The following PPP1R12A variants were observed in gnomAD, a reference collection of about 807,000 sequenced individuals.
PPP1R12A encodes the protein protein phosphatase 1 regulatory subunit 12A.
In PPP1R12A, 19 loss-of-function variants were observed where a neutral mutation model predicts 139.6. That is an observed-to-expected ratio of 0.14 (90% CI 0.09 to 0.20). PPP1R12A has a LOEUF of 0.20. Among genes scored for constraint, PPP1R12A ranks in the 10% least tolerant of loss-of-function variants. The pLI, the probability that PPP1R12A is intolerant of heterozygous loss-of-function variation, is 1.00. For missense variants in PPP1R12A, 925 were observed against 1,211.5 expected (o/e 0.76, Z 3.51); for synonymous variants, 427 against 420.6 (o/e 1.02, Z -0.19).
Position 79,841,234 on chromosome 12 carries a change from A to C in PPP1R12A, c.487+4068T>G, listed in dbSNP as rs78825062. 3.8e-3 allele frequency among the ~76,000 whole-genome samples: 580 copies of C among 151,450 alleles called. 1 individual carries two copies. The highest frequency in any genetic ancestry group is 0.013 in the African/African-American group (547 of 41,268). On this transcript the variant is annotated intron_variant, in intron 3 of 24. Transcript: ENST00000450142. Reference sequence around the variant, plus strand: ...AAGAGCCACTGTGCTTGGCCTTCCAACTCCTTTTCTTTCACATTTTGATAC... The same window carrying C: ...AAGAGCCACTGTGCTTGGCCTTCCACCTCCTTTTCTTTCACATTTTGATAC...
intron 1 of PPP1R12A, among the ~76,000 whole-genome samples, chr12:79,922,285 A>C (rs959994900): frequency 3.3e-5 from 5 of 152,164 alleles, no homozygotes; most frequent in African/African-American, 7.2e-5. Flanking sequence ...AAAAACAATA[A>C]ATAAAACAAA....
intron 22 of PPP1R12A, among the ~76,000 whole-genome samples, chr12:79,785,421 T>A (rs1870987981): frequency 6.6e-6 from 1 of 152,206 alleles, no homozygotes; most frequent in Non-Finnish European, 1.5e-5. Context: ...AATGAACTTT[T>A]TTGGTTTTTG....
intron 1 of PPP1R12A, among the ~76,000 whole-genome samples, chr12:79,921,547 C>T (rs1055722544): frequency 1.3e-5 from 2 of 152,110 alleles, no homozygotes; most frequent in African/African-American, 4.8e-5. Context: ...GGGTTAAGCC[C>T]GCCTAATAAA....
chr12:79,896,357 C>A (rs902404204), intron 1 of PPP1R12A, among the ~76,000 whole-genome samples: 2 of 152,030 alleles, frequency 1.3e-5, no homozygotes, highest in Non-Finnish European at 2.9e-5. Flanking sequence ...GTTTGAGACA[C>A]GGTCTCACTT....
At chr12:79,926,178 C>G (rs1428774269) in intron 1 of PPP1R12A, among the ~76,000 whole-genome samples, 1 of 152,048 alleles carries the variant, frequency 6.6e-6, no homozygotes, top group Admixed American at 6.6e-5. Context: ...AAAAATAAAT[C>G]TAACATCCCA....
At chr12:79,906,601 T>TTATGTATG (rs566176366) in intron 1 of PPP1R12A, among the ~76,000 whole-genome samples, 6 of 151,954 alleles carry the variant, frequency 3.9e-5, no homozygotes, top group African/African-American at 1.5e-4. Context: ...ATTTATTCAT[T>TTATGTATG]TATGTATGTA....
At chr12:79,920,816 GT>G (rs1887376546) in intron 1 of PPP1R12A, among the ~76,000 whole-genome samples, 4 of 152,220 alleles carry the variant, frequency 2.6e-5, no homozygotes, top group African/African-American at 9.7e-5. Context: ...TCTCACCAGA[GT>G]TGACCCTACA....
intron 22 of PPP1R12A, among the ~76,000 whole-genome samples, chr12:79,785,338 CACAG>C (rs1213390616): frequency 4.6e-5 from 7 of 152,118 alleles, no homozygotes; most frequent in African/African-American, 1.2e-4. Context: ...AGCTACCGTG[CACAG>C]ACAATCGCTT....
intron 2 of PPP1R12A, among the ~76,000 whole-genome samples, chr12:79,863,749 TACATAATG>T (rs1881639094): frequency 1.3e-5 from 2 of 151,042 alleles, no homozygotes; most frequent in African/African-American, 4.9e-5. Flanking sequence ...AGAAGGCCAT[TACATAATG>T]GTAAAGGGAT....
At chr12:79,884,008 T>A (rs1883882202) in intron 1 of PPP1R12A, among the ~76,000 whole-genome samples, 1 of 152,160 alleles carries the variant, frequency 6.6e-6, no homozygotes, top group African/African-American at 2.4e-5. Context: ...CAGGGAATAT[T>A]TCCTGGAGGT....
At position 79,786,413 on chromosome 12, in the gene PPP1R12A, T is replaced by C; in HGVS notation, c.2868A>G (p.Glu956=). ...CCAACTGTAATTTAAGATCTGTTAG[T>C]TCCATATTTGTATCATGTAGCTGTG... The part of the protein sequence containing the change: ...LKAQLHDTNM[E]LTDLKLQLEK... Residue 956 remains glutamate (E), a synonymous_variant, in exon 22 of 25, where the codon GAA becomes GAG. Transcript: ENST00000450142. 1 of 1,562,224 alleles carries C rather than the reference T, an allele frequency of 6.4e-7. No homozygotes were observed. The highest frequency in any genetic ancestry group is 8.7e-7 in the Non-Finnish European group (1 of 1,152,798).
chr12:79,913,132 A>G (rs1592821240), intron 1 of PPP1R12A, among the ~76,000 whole-genome samples: 1 of 152,208 alleles, frequency 6.6e-6, no homozygotes, highest in African/African-American at 2.4e-5. Flanking sequence ...TATGTTTATT[A>G]CCAATAGAAT....
chr12:79,914,451 G>A (rs997405667), intron 1 of PPP1R12A, among the ~76,000 whole-genome samples: 2 of 151,670 alleles, frequency 1.3e-5, no homozygotes, highest in African/African-American at 4.8e-5. Flanking sequence ...ATTATAAAGG[G>A]GGTCCTAAAA....
intron 24 of PPP1R12A, chr12:79,777,153 ATATAT>A: frequency 1.1e-6 from 1 of 890,552 alleles, no homozygotes; most frequent in Non-Finnish European, 1.3e-6. Flanking sequence ...CAGCTTCAAA[ATATAT>A]TAATTATATG....
rs1875540718 is a variant in PPP1R12A, at chr12:79,817,378, T to G, written c.1239+16A>C. The G allele has an allele frequency of 6.2e-7, 1 of 1,606,450 alleles. No homozygotes were observed. The highest frequency in any genetic ancestry group is 1.3e-5 in the African/African-American group (1 of 74,768). The stretch of plus-strand genomic sequence containing the variant: ...ATAGAATACATGTATTTTCAGCAAA[T>G]ACAATTTTGGCTTACCTTTTTAATA... On this transcript the variant is annotated intron_variant, in intron 9 of 24. Transcript: ENST00000450142.
At chr12:79,923,771 G>A (rs1040797035) in intron 1 of PPP1R12A, among the ~76,000 whole-genome samples, 3 of 152,146 alleles carry the variant, frequency 2.0e-5, no homozygotes, top group East Asian at 1.9e-4. Flanking sequence ...GGCCAGGCAC[G>A]GTGGCTCACG....
In PPP1R12A at chr12:79,867,771, T is replaced by C. The variant is rs186786393; in HGVS notation, c.368+5037A>G. ...ATTGAATCCTGGGGGTGGTTACCCC[T>C]ATGCTTCTGTTCTTGTGACAGTGAG... On this transcript the variant is annotated intron_variant, in intron 2 of 24. Coordinates refer to ENST00000450142, the MANE Select transcript of PPP1R12A (RefSeq NM_002480.3). Among the ~76,000 whole-genome samples the C allele has an allele frequency of 2.0e-5, 3 of 152,292 alleles. No individual in the cohort carries two copies. The East Asian group carries it at 5.8e-4, about 29-fold the overall frequency.
At chr12:79,838,433 C>T (rs951854507) in intron 3 of PPP1R12A, among the ~76,000 whole-genome samples, 3 of 152,278 alleles carry the variant, frequency 2.0e-5, no homozygotes, top group South Asian at 2.1e-4. Context: ...GCATAAGTAA[C>T]GAGTAACCAA....
chr12:79,807,932 G>A (rs1348609396), intron 11 of PPP1R12A, among the ~76,000 whole-genome samples: 3 of 152,004 alleles, frequency 2.0e-5, no homozygotes, highest in Admixed American at 6.6e-5. Flanking sequence ...AGCCACTTGA[G>A]AGGCTGAGGC....
Sources: gnomAD v4.1 joint callset for allele counts (sites outside exome capture counted in the v4.1 genomes callset) on GRCh38, gnomAD v4.1.1 for gene constraint, MANE v1.5 for transcripts, NCBI Gene and HGNC (gene_info 2026-07-23, HGNC 2026-07-21) for gene names.